The following CNKSR3 variants were observed in gnomAD, a reference collection of about 807,000 sequenced individuals.
CNKSR3 encodes CNKSR family member 3.
In CNKSR3, 36 loss-of-function variants were observed where a neutral mutation model predicts 67.7. The ratio of observed to expected loss-of-function variants is 0.53; its 90% CI spans 0.41 to 0.70. The LOEUF (loss-of-function observed/expected upper bound fraction) is 0.70, where lower values mean the gene tolerates loss of function less well. Ranked by LOEUF, CNKSR3 falls within the 30% of genes least tolerant of loss-of-function variation. The pLI is 0.00. For synonymous variants in CNKSR3, 281 were observed against 271.4 expected (o/e 1.04, Z -0.35); for missense variants, 630 against 695.2 (o/e 0.91, Z 1.05).
At chr6:154,414,223 A>T (rs1784966378) in intron 10 of CNKSR3, 76 bp downstream of exon 10, 1 of 1,463,312 alleles carries the variant, frequency 6.8e-7, no homozygotes, top group African/African-American at 1.4e-5. Context: ...CTCTCTCAAG[A>T]TCCTCTTTTC....
At chr6:154,423,904 G>A (rs191678113) in intron 7 of CNKSR3, among the ~76,000 whole-genome samples, 76 of 152,188 alleles carry the variant, frequency 5.0e-4, no homozygotes, top group African/African-American at 1.7e-3. Flanking sequence ...AATAACGGCT[G>A]GTTATTAATT....
At chr6:154,414,618 G>C in intron 9 of CNKSR3, 195 bp from the exon 10 acceptor site, 1 of 665,454 alleles carries the variant, frequency 1.5e-6, no homozygotes, top group Non-Finnish European at 2.8e-6. Flanking sequence ...TGAGGGATTT[G>C]AATGACGATG....
chr6:154,464,795 G>A (rs945315469), intron 1 of CNKSR3, among the ~76,000 whole-genome samples: 7 of 151,998 alleles, frequency 4.6e-5, no homozygotes, highest in Admixed American at 1.3e-4. Context: ...CCACCAGTGC[G>A]CTCTCAAGAG....
chr6:154,476,405 C>T (rs933813482), intron 1 of CNKSR3, among the ~76,000 whole-genome samples: 1 of 149,648 alleles, frequency 6.7e-6, no homozygotes, highest in Non-Finnish European at 1.5e-5. Flanking sequence ...TGCGGTGAGC[C>T]GAGATCGTGC....
At chr6:154,407,777 A>C (rs989282703) in intron 12 of CNKSR3, among the ~76,000 whole-genome samples, 12 of 148,650 alleles carry the variant, frequency 8.1e-5, no homozygotes, top group African/African-American at 3.0e-4. Context: ...CAAATTTTAG[A>C]ATTTGAATTT....
chr6:154,494,008 G>C (rs1786831190), intron 1 of CNKSR3, among the ~76,000 whole-genome samples: 1 of 152,130 alleles, frequency 6.6e-6, no homozygotes, highest in South Asian at 2.1e-4. Flanking sequence ...CACTTCCAGA[G>C]CTAGCTAGGA....
At chr6:154,436,466 G>C (rs746760781) in intron 4 of CNKSR3, among the ~76,000 whole-genome samples, 5 of 152,160 alleles carry the variant, frequency 3.3e-5, no homozygotes. Context: ...TGGCAGGCTT[G>C]TTTTCTTTCC....
chr6:154,452,155 T>G (rs527343138), intron 1 of CNKSR3, among the ~76,000 whole-genome samples: 1 of 152,220 alleles, frequency 6.6e-6, no homozygotes, highest in East Asian at 1.9e-4. Context: ...GATGAAAGAA[T>G]TAAGGCTCAC....
chr6:154,430,446 A>G (rs1446151042), intron 6 of CNKSR3, 26 bp downstream of exon 6: 2 of 1,579,458 alleles, frequency 1.3e-6, no homozygotes, highest in Non-Finnish European at 1.7e-6. Context: ...TTATCTGAAA[A>G]TAAAACAAGT....
At chr6:154,503,640 TAAA>T (rs11340696) in intron 1 of CNKSR3, among the ~76,000 whole-genome samples, 4 of 143,744 alleles carry the variant, frequency 2.8e-5, no homozygotes, top group Non-Finnish European at 1.5e-5. Context: ...GCCTCTTATT[TAAA>T]AAAAAAAAAA....
At chr6:154,407,417 A>G (rs1028998021) in intron 12 of CNKSR3, among the ~76,000 whole-genome samples, 1 of 152,228 alleles carries the variant, frequency 6.6e-6, no homozygotes, top group Non-Finnish European at 1.5e-5. Flanking sequence ...GGTAACATGT[A>G]GCATCCTTGT....
At chr6:154,447,620 G>T (rs78034058) in intron 2 of CNKSR3, among the ~76,000 whole-genome samples, 2 of 152,124 alleles carry the variant, frequency 1.3e-5, no homozygotes, top group South Asian at 4.1e-4. Context: ...TTCATTAATA[G>T]CTGTTTCCTA....
At chr6:154,419,837 T>A (rs1785102117) in intron 9 of CNKSR3, among the ~76,000 whole-genome samples, 1 of 152,078 alleles carries the variant, frequency 6.6e-6, no homozygotes, top group Admixed American at 6.5e-5. Flanking sequence ...CCTAGCACTT[T>A]GGGAGGCTGA....
chr6:154,428,352 G>A (rs1422643794), intron 6 of CNKSR3, among the ~76,000 whole-genome samples, 165 bp from the exon 7 acceptor site: 1 of 152,194 alleles, frequency 6.6e-6, no homozygotes, highest in African/African-American at 2.4e-5. Context: ...TGGTGAAGGG[G>A]AGCTAAGCAA....
At chr6:154,455,081 G>C (rs1785923160) in intron 1 of CNKSR3, among the ~76,000 whole-genome samples, 1 of 150,952 alleles carries the variant, frequency 6.6e-6, no homozygotes, top group African/African-American at 2.4e-5. Flanking sequence ...GGCCAAGGAG[G>C]GTGTATCACT....
chr6:154,483,314 A>G (rs1051413675), intron 1 of CNKSR3, among the ~76,000 whole-genome samples: 27 of 152,154 alleles, frequency 1.8e-4, no homozygotes, highest in African/African-American at 4.8e-4. Flanking sequence ...AAGATCACTG[A>G]TGCACTCTCG....
intron 3 of CNKSR3, among the ~76,000 whole-genome samples, chr6:154,441,827 A>C (rs778166457): frequency 6.6e-6 from 1 of 152,122 alleles, no homozygotes; most frequent in Non-Finnish European, 1.5e-5. Context: ...CTCAACCATT[A>C]ATGTTTAATC....
At chr6:154,428,294 T>C (rs762344499) in intron 6 of CNKSR3, 107 bp from the exon 7 acceptor site, 43 of 727,120 alleles carry the variant, frequency 5.9e-5, no homozygotes, top group African/African-American at 1.1e-4. Context: ...TTCAGAACAA[T>C]ACTCATTTTT....
intron 12 of CNKSR3, 92 bp downstream of exon 12, chr6:154,410,248 CTTA>C: frequency 1.2e-6 from 1 of 815,210 alleles, no homozygotes; most frequent in Non-Finnish European, 2.0e-6. Flanking sequence ...ACTCAGTCTA[CTTA>C]TTATAACACA....
Sources: allele counts gnomAD v4.1 joint callset (sites outside exome capture counted in the v4.1 genomes callset), GRCh38; gene constraint gnomAD v4.1.1; transcripts MANE v1.5; gene names NCBI Gene and HGNC (gene_info 2026-07-23, HGNC 2026-07-21).